The following DNAH11 variants were observed in gnomAD, a reference collection of about 807,000 sequenced individuals.
DNAH11 encodes axonemal beta dynein heavy chain 11.
Under a neutral mutation model 526.0 loss-of-function variants are expected in DNAH11, and 442 were observed. The observed-to-expected ratio is 0.84, with a 90% CI of 0.78 to 0.91. DNAH11 has a LOEUF of 0.91. Ranked by LOEUF, DNAH11 falls within the 40% of genes least tolerant of loss-of-function variation. The pLI is 0.00. For synonymous variants in DNAH11, 2,461 were observed against 1,935.9 expected (o/e 1.27, Z -7.12); for missense variants, 6,989 against 5,448.7 (o/e 1.28, Z -8.90).
At chr7:21,890,355 A>G (rs1235968978) in intron 76 of DNAH11, among the ~76,000 whole-genome samples, 2 of 152,216 alleles carry the variant, frequency 1.3e-5, no homozygotes, top group African/African-American at 4.8e-5. Flanking sequence ...TCCAAAGAGC[A>G]TGGGCCATTT....
intron 35 of DNAH11, among the ~76,000 whole-genome samples, chr7:21,692,075 T>C (rs189275114): frequency 2.6e-5 from 4 of 152,340 alleles, no homozygotes; most frequent in Admixed American, 6.5e-5. Flanking sequence ...TTAAGTCAAC[T>C]TCATTCAGGT....
At chr7:21,893,757 G>T (rs2128048312) in intron 77 of DNAH11, among the ~76,000 whole-genome samples, 1 of 152,286 alleles carries the variant, frequency 6.6e-6, no homozygotes, top group Non-Finnish European at 1.5e-5. Flanking sequence ...GAAGATAGAA[G>T]TTTCTTTGTT....
chr7:21,614,126 A>G (rs1169678600), intron 20 of DNAH11, among the ~76,000 whole-genome samples: 2 of 152,134 alleles, frequency 1.3e-5, no homozygotes, highest in African/African-American at 2.4e-5. Flanking sequence ...TACAATTTTT[A>G]TTTGTCAATT....
intron 24 of DNAH11, among the ~76,000 whole-genome samples, chr7:21,619,746 G>C (rs1308409226): frequency 6.6e-6 from 1 of 152,126 alleles, no homozygotes; most frequent in Non-Finnish European, 1.5e-5. Flanking sequence ...GTAGAAGTTT[G>C]ATGTTAGTGT....
Position 21,745,410 on chromosome 7 carries a change from C to A in DNAH11, c.8510+347C>A, listed in dbSNP as rs368355411. On this transcript the variant is annotated intron_variant, in intron 51 of 81. Coordinates refer to ENST00000409508, the MANE Select transcript of DNAH11 (RefSeq NM_001277115.2). ...GTTGAGTGCCAGATAGGAACATTGC[C>A]AGCCTTTCAGCAATTTTGTGCAAAT... is the stretch of plus-strand genomic sequence containing the variant. Among the ~76,000 whole-genome samples, 25 of 152,312 alleles carry A rather than the reference C, an allele frequency of 1.6e-4. No individual in the cohort carries two copies. The South Asian group carries it at 4.8e-3, about 29-fold the overall frequency.
chr7:21,612,220 A>C (rs1010875329), intron 20 of DNAH11, among the ~76,000 whole-genome samples: 2 of 152,148 alleles, frequency 1.3e-5, no homozygotes, highest in African/African-American at 4.8e-5. Context: ...ATAAAAAGAA[A>C]AATATTAACC....
At chr7:21,828,515 A>G (rs1029544259) in intron 65 of DNAH11, among the ~76,000 whole-genome samples, 7 of 152,140 alleles carry the variant, frequency 4.6e-5, no homozygotes, top group African/African-American at 1.4e-4. Context: ...ACATTCAGTC[A>G]TCTTGGTAAT....
At chr7:21,647,830 A>G (rs1307502851) in intron 28 of DNAH11, among the ~76,000 whole-genome samples, 1 of 152,226 alleles carries the variant, frequency 6.6e-6, no homozygotes, top group Non-Finnish European at 1.5e-5. Context: ...AAGGATAGCA[A>G]AATAAAGATG....
chr7:21,705,249 G>A (rs1018975281), intron 38 of DNAH11, among the ~76,000 whole-genome samples: 1 of 152,160 alleles, frequency 6.6e-6, no homozygotes, highest in Admixed American at 6.5e-5. Context: ...AAAATCGTGG[G>A]TTGGCTTTAG....
rs373374184 is a variant in DNAH11, at chr7:21,860,486, C to A, written c.11203-1367C>A. Among the ~76,000 whole-genome samples the A allele has an allele frequency of 3.9e-5, 6 of 152,222 alleles. 1 individual carries two copies. The highest frequency in any genetic ancestry group is 1.4e-4 in the African/African-American group (6 of 41,540). Reference sequence around the variant, plus strand: ...TCAAAAGAGTGTCTTTAGGAGATATCCAAATACCCAAATTCATAGTAGCAT... The same window carrying A: ...TCAAAAGAGTGTCTTTAGGAGATATACAAATACCCAAATTCATAGTAGCAT... On this transcript the variant is annotated intron_variant, in intron 68 of 81. Transcript: ENST00000409508.
intron 67 of DNAH11, among the ~76,000 whole-genome samples, chr7:21,853,843 A>G (rs534257129): frequency 6.6e-6 from 1 of 152,238 alleles, no homozygotes; most frequent in African/African-American, 2.4e-5. Flanking sequence ...GAGAGTCTCT[A>G]TATTAAGGCT....
At chr7:21,693,974 C>A (rs1477788796) in intron 35 of DNAH11, among the ~76,000 whole-genome samples, 5 of 152,060 alleles carry the variant, frequency 3.3e-5, no homozygotes, top group Non-Finnish European at 7.4e-5. Context: ...GGAAGTGCCA[C>A]GCACTTTCAA....
At chr7:21,753,312 G>A (rs951476348) in intron 54 of DNAH11, among the ~76,000 whole-genome samples, 1 of 152,140 alleles carries the variant, frequency 6.6e-6, no homozygotes, top group African/African-American at 2.4e-5. Context: ...CTTACTGGCC[G>A]CAAATGCTTC....
Position 21,599,805 on chromosome 7 carries a change from A to C in DNAH11, c.2686A>C (p.Lys896Gln). 6.4e-7 allele frequency: 1 copy of C among 1,568,714 alleles called. No homozygotes were observed. Among genetic ancestry groups the C allele is most frequent in the South Asian group, 1.2e-5 (1 of 83,114 alleles). The change falls in exon 15 of 82, where the codon AAA becomes CAA. Residue 896 changes from lysine to glutamine, a missense_variant. Transcript: ENST00000409508. ...TTTCTAGGAAAATAGGAAGCTCTTC[A>C]AAGCCAATCCCTCTCTGGATACCTG... ...NLVEENRKLF[K>Q]ANPSLDTWKI...
intron 61 of DNAH11, among the ~76,000 whole-genome samples, chr7:21,798,120 A>G (rs1788799415): frequency 1.3e-5 from 2 of 152,212 alleles, no homozygotes; most frequent in Non-Finnish European, 1.5e-5. Flanking sequence ...TTCATTTGAG[A>G]CAGTGTCATT....
chr7:21,559,019 T>C (rs766061983), intron 3 of DNAH11, 21 bp downstream of exon 3: 47 of 1,547,730 alleles, frequency 3.0e-5, no homozygotes, highest in Middle Eastern at 1.7e-4. Context: ...GTACAATATA[T>C]ACAGGATATT....
intron 76 of DNAH11, among the ~76,000 whole-genome samples, chr7:21,890,206 C>G (rs192760112): frequency 6.6e-6 from 1 of 152,176 alleles, no homozygotes; most frequent in Non-Finnish European, 1.5e-5. Flanking sequence ...GGCCACCAAC[C>G]CATTAAGTGA....
chr7:21,744,420 C>T lies in DNAH11; in HGVS notation c.8155-18C>T, dbSNP rs149525683. ...CAGCCTCTGAATTAAAGGTATTTTC[C>T]CCATTCTTGCCTTGTAGGGGATTTT... On this transcript the variant is annotated intron_variant, in intron 49 of 81. Transcript: ENST00000409508. 21 of 1,609,258 alleles carry T rather than the reference C, an allele frequency of 1.3e-5. No individual in the cohort carries two copies. The African/African-American group carries it at 1.6e-4, about 12-fold the overall frequency.
chr7:21,558,956 T>C lies in DNAH11; in HGVS notation c.650T>C (p.Val217Ala). The C allele has an allele frequency of 6.3e-7, 1 of 1,592,970 alleles. No individual in the cohort carries two copies. Residue 217 changes from valine to alanine, a missense_variant, in exon 3 of 82, where the codon GTT (valine) becomes GCT (alanine). Coordinates refer to ENST00000409508, the MANE Select transcript of DNAH11 (RefSeq NM_001277115.2). ...SRRTLLPIPT[V>A]AGKMDLDQNC... ...AGAACTCTTCTACCAATTCCCACTGTTGCAGGAAAGATGGATCTGGATCAG... is the reference window on the plus strand; with the variant it reads ...AGAACTCTTCTACCAATTCCCACTGCTGCAGGAAAGATGGATCTGGATCAG...
Sources: gnomAD v4.1 joint callset for allele counts (sites outside exome capture counted in the v4.1 genomes callset) on GRCh38, gnomAD v4.1.1 for gene constraint, MANE v1.5 for transcripts, NCBI Gene and HGNC (gene_info 2026-07-23, HGNC 2026-07-21) for gene names.